The following PTPRM variants were observed in gnomAD, a reference collection of about 807,000 sequenced individuals.
The protein encoded by PTPRM is receptor-type tyrosine-protein phosphatase mu.
A neutral mutation model predicts 186.7 loss-of-function variants in PTPRM; 47 were observed. The ratio of observed to expected loss-of-function variants is 0.25; its 90% CI spans 0.20 to 0.32. The LOEUF is 0.32. Ranked by LOEUF, PTPRM falls within the 10% of genes least tolerant of loss-of-function variation. The pLI is 1.00. For missense variants in PTPRM, 1,494 were observed against 1,865.0 expected, an observed-to-expected ratio of 0.80 and a Z score of 3.66; for synonymous variants, 668 against 674.9, an observed-to-expected ratio of 0.99 and a Z score of 0.16.
chr18:8,297,601 T>C (rs924399408), intron 20 of PTPRM, among the ~76,000 whole-genome samples: 1 of 152,152 alleles, frequency 6.6e-6, no homozygotes, highest in Non-Finnish European at 1.5e-5. Flanking sequence ...TGTTCAAGAG[T>C]TTGACAACAT....
At chr18:7,712,354 A>G (rs2144789266) in intron 1 of PTPRM, among the ~76,000 whole-genome samples, 1 of 152,336 alleles carries the variant, frequency 6.6e-6, no homozygotes, top group South Asian at 2.1e-4. Flanking sequence ...CCCCATCTGA[A>G]GGTCACCAAC....
At chr18:8,333,594 T>C (rs1200429796) in intron 22 of PTPRM, among the ~76,000 whole-genome samples, 1 of 152,234 alleles carries the variant, frequency 6.6e-6, no homozygotes, top group Non-Finnish European at 1.5e-5. Flanking sequence ...ACCCTTATTA[T>C]AGATTATCAC....
intron 13 of PTPRM, among the ~76,000 whole-genome samples, chr18:8,141,060 A>G (rs1031200751): frequency 6.6e-6 from 1 of 152,200 alleles, no homozygotes; most frequent in African/African-American, 2.4e-5. Context: ...CCAAAGCAAT[A>G]AAAGAGGAGA....
intron 5 of PTPRM, among the ~76,000 whole-genome samples, chr18:7,948,977 T>A (rs2052746302): frequency 6.6e-6 from 1 of 152,214 alleles, no homozygotes; most frequent in African/African-American, 2.4e-5. Context: ...TAATTTTGCA[T>A]CGCTCAGTCT....
At chr18:7,741,967 C>T (rs1207275693) in intron 1 of PTPRM, 1 of 152,186 alleles carries the variant, frequency 6.6e-6, no homozygotes, top group African/African-American at 2.4e-5. Flanking sequence ...GTGACACCTT[C>T]CATTCCTCCC....
At chr18:7,824,871 C>T (rs1420312347) in intron 2 of PTPRM, among the ~76,000 whole-genome samples, 4 of 152,178 alleles carry the variant, frequency 2.6e-5, no homozygotes, top group Admixed American at 6.5e-5. Flanking sequence ...GGGCAGGCAG[C>T]GCTACTCAAC....
intron 1 of PTPRM, among the ~76,000 whole-genome samples, chr18:7,727,045 G>T (rs187463039): frequency 2.0e-5 from 3 of 152,128 alleles, no homozygotes; most frequent in Non-Finnish European, 4.4e-5. Flanking sequence ...GAAGTTTCTT[G>T]GTGGTTTTAT....
At chr18:8,027,039 A>G (rs1675491687) in intron 7 of PTPRM, among the ~76,000 whole-genome samples, 1 of 152,194 alleles carries the variant, frequency 6.6e-6, no homozygotes, top group South Asian at 2.1e-4. Flanking sequence ...AGTTATTAAT[A>G]TTTATTAGGA....
chr18:7,989,625 G>A, intron 7 of PTPRM, among the ~76,000 whole-genome samples: 1 of 152,062 alleles, frequency 6.6e-6, no homozygotes, highest in East Asian at 1.9e-4. Context: ...CTGTCCCCTT[G>A]TTGACTTCAG....
intron 1 of PTPRM, among the ~76,000 whole-genome samples, chr18:7,617,999 C>T (rs1478064483): frequency 2.0e-5 from 3 of 152,138 alleles, no homozygotes; most frequent in South Asian, 4.1e-4. Flanking sequence ...TCTTGAGAAG[C>T]GAGTGGACTG....
intron 1 of PTPRM, chr18:7,747,483 A>C (rs2041020803): frequency 6.6e-6 from 1 of 152,342 alleles, no homozygotes; most frequent in Admixed American, 6.5e-5. Context: ...GGAGACTAGA[A>C]GTCCAAGATC....
At chr18:8,062,994 A>C (rs1331060174) in intron 7 of PTPRM, among the ~76,000 whole-genome samples, 2 of 149,856 alleles carry the variant, frequency 1.3e-5, no homozygotes, top group East Asian at 3.9e-4. Flanking sequence ...ACCCAGTTCG[A>C]GCTTCCCGGC....
At chr18:8,107,847 CAGTT>C (rs1464862204) in intron 11 of PTPRM, among the ~76,000 whole-genome samples, 17 of 152,198 alleles carry the variant, frequency 1.1e-4, no homozygotes, top group African/African-American at 4.1e-4. Flanking sequence ...TGTGTCCAGT[CAGTT>C]ACTCTCAGTG....
chr18:7,617,886 A>G (rs751458684), intron 1 of PTPRM, among the ~76,000 whole-genome samples: 41 of 152,080 alleles, frequency 2.7e-4, no homozygotes, highest in Non-Finnish European at 4.1e-4. Flanking sequence ...TTGGTCTGGG[A>G]GATCTGGAAT....
At chr18:7,571,753 G>C (rs1246425771) in intron 1 of PTPRM, among the ~76,000 whole-genome samples, 4 of 152,154 alleles carry the variant, frequency 2.6e-5, no homozygotes, top group Non-Finnish European at 5.9e-5. Context: ...TAGTAGTGTG[G>C]TACCAATGTT....
At chr18:7,895,645 C>CTTCT (rs1229104725) in intron 3 of PTPRM, among the ~76,000 whole-genome samples, 2 of 152,182 alleles carry the variant, frequency 1.3e-5, no homozygotes, top group East Asian at 3.9e-4. Flanking sequence ...TTCCCATGAC[C>CTTCT]TTCTGTGCCT....
At chr18:7,845,923 TC>T (rs2145885914) in intron 2 of PTPRM, among the ~76,000 whole-genome samples, 1 of 152,218 alleles carries the variant, frequency 6.6e-6, no homozygotes, top group African/African-American at 2.4e-5. Flanking sequence ...CTCTGCCCAA[TC>T]CTGTAATACA....
chr18:8,332,167 G>A (rs2095415365), intron 22 of PTPRM, among the ~76,000 whole-genome samples: 1 of 152,136 alleles, frequency 6.6e-6, no homozygotes, highest in Non-Finnish European at 1.5e-5. Context: ...TATCTACTAT[G>A]TAATTATTTG....
At chr18:8,065,352 C>G (rs541949038) in intron 7 of PTPRM, among the ~76,000 whole-genome samples, 1 of 152,276 alleles carries the variant, frequency 6.6e-6, no homozygotes, top group South Asian at 2.1e-4. Context: ...TTGCTCGTCC[C>G]TTAGGTCAGA....
Sources: allele counts gnomAD v4.1 joint callset (sites outside exome capture counted in the v4.1 genomes callset), GRCh38; gene constraint gnomAD v4.1.1; transcripts MANE v1.5; gene names NCBI Gene and HGNC (gene_info 2026-07-23, HGNC 2026-07-21).